DRC8: variants seen among roughly 807,000 people sequenced by gnomAD.
The protein encoded by DRC8 is dynein regulatory complex protein 8.
chr1:245,122,230 G>C, the DRC8 span: 3 of 198,744 alleles, frequency 1.5e-5, no homozygotes, highest in Admixed American at 5.5e-5. Context: ...TCTCCTCTCT[G>C]TATCTTGCTT....
the DRC8 span, chr1:245,121,919 G>A: frequency 2.6e-6 from 1 of 379,896 alleles, no homozygotes; most frequent in Non-Finnish European, 4.9e-6. Flanking sequence ...TTTTATTTTA[G>A]ATGGAGTTTC....
the DRC8 span, among the ~76,000 whole-genome samples, chr1:245,028,393 T>C: frequency 6.6e-6 from 1 of 152,234 alleles, no homozygotes; most frequent in South Asian, 2.1e-4. Flanking sequence ...ATTATTAGTG[T>C]GGAACTTTTC....
chr1:245,088,954 C>T, the DRC8 span, among the ~76,000 whole-genome samples: 2 of 152,074 alleles, frequency 1.3e-5, no homozygotes, highest in Non-Finnish European at 2.9e-5. This position sits in a 1 kb window ranked among gnomAD's most constrained non-coding sequence, Gnocchi z 4.6. Flanking sequence ...TTAAGGATAT[C>T]GGGTTAGGTG....
the DRC8 span, among the ~76,000 whole-genome samples, chr1:245,011,094 A>C: frequency 1.3e-5 from 2 of 152,182 alleles, no homozygotes; most frequent in African/African-American, 4.8e-5. Context: ...AAGGGATTCA[A>C]GTCTAAACAC....
chr1:245,118,325 T>A, the DRC8 span, among the ~76,000 whole-genome samples: 11 of 152,088 alleles, frequency 7.2e-5, no homozygotes, highest in Non-Finnish European at 1.2e-4. Context: ...CAGGGACAGG[T>A]GCGCTGGGCT....
the DRC8 span, among the ~76,000 whole-genome samples, chr1:245,056,695 T>C: frequency 6.6e-6 from 1 of 152,118 alleles, no homozygotes; most frequent in Non-Finnish European, 1.5e-5. Flanking sequence ...CCCAGCACTT[T>C]GGGAGGCTGA....
the DRC8 span, among the ~76,000 whole-genome samples, chr1:245,060,993 A>G: frequency 1.3e-5 from 2 of 152,092 alleles, no homozygotes; most frequent in South Asian, 4.1e-4. Context: ...AGAGACCTAC[A>G]GCTTGGAAAG....
chr1:244,974,495 C>T, the DRC8 span, among the ~76,000 whole-genome samples: 1 of 152,292 alleles, frequency 6.6e-6, no homozygotes, highest in East Asian at 1.9e-4. Flanking sequence ...CAATTATCAC[C>T]TCCTAAATGG....
chr1:245,087,725 C>T, the DRC8 span: 44 of 995,198 alleles, frequency 4.4e-5, no homozygotes, highest in Admixed American at 6.1e-5. Flanking sequence ...GGGGGCAGAA[C>T]GAACCACTCG....
At chr1:245,071,447 G>T in the DRC8 span, among the ~76,000 whole-genome samples, 230 of 152,338 alleles carry the variant, frequency 1.5e-3, 1 homozygote, top group South Asian at 5.4e-3. Context: ...GAATCCGGAA[G>T]AAAGGACGTC....
chr1:245,041,790 A>T, the DRC8 span, among the ~76,000 whole-genome samples: 1 of 152,246 alleles, frequency 6.6e-6, no homozygotes, highest in South Asian at 2.1e-4. Context: ...AAGTTTGGAC[A>T]CCCAGAGAGA....
the DRC8 span, among the ~76,000 whole-genome samples, chr1:244,973,356 C>T: frequency 6.6e-6 from 1 of 152,172 alleles, no homozygotes; most frequent in Non-Finnish European, 1.5e-5. Context: ...TCAGTACCCT[C>T]TAAGTTCCAA....
the DRC8 span, among the ~76,000 whole-genome samples, chr1:245,017,986 G>T: frequency 6.6e-6 from 1 of 152,128 alleles, no homozygotes; most frequent in Admixed American, 6.5e-5. Context: ...AAGTACTTTG[G>T]GAGGTCAAGG....
chr1:245,011,677 C>T, the DRC8 span, among the ~76,000 whole-genome samples: 1 of 152,110 alleles, frequency 6.6e-6, no homozygotes, highest in East Asian at 1.9e-4. Flanking sequence ...TAGGGTAGTC[C>T]TAGATTTCAG....
chr1:244,970,397 A>C, the DRC8 span: 2 of 1,538,298 alleles, frequency 1.3e-6, no homozygotes, highest in Non-Finnish European at 1.7e-6. Flanking sequence ...GGCATCTCCC[A>C]GGCGACCGGC....
chr1:245,091,918 T>C, the DRC8 span: 1 of 152,300 alleles, frequency 6.6e-6, no homozygotes, highest in Non-Finnish European at 1.5e-5. Context: ...GCTTGGCCTC[T>C]TGTGCAGGAA....
the DRC8 span, among the ~76,000 whole-genome samples, chr1:245,011,872 A>G: frequency 6.6e-6 from 1 of 152,210 alleles, no homozygotes; most frequent in African/African-American, 2.4e-5. Context: ...TTATATATAA[A>G]CCATAATATT....
chr1:245,107,606 C>T, the DRC8 span, among the ~76,000 whole-genome samples: 1 of 152,206 alleles, frequency 6.6e-6, no homozygotes, highest in African/African-American at 2.4e-5. Flanking sequence ...CACCTCCTGC[C>T]TTTGCTGTCT....
the DRC8 span, among the ~76,000 whole-genome samples, chr1:245,059,911 T>C: frequency 6.6e-6 from 1 of 152,168 alleles, no homozygotes. Context: ...ACGAGTCATG[T>C]GTAATAGTGG....
Sources: gnomAD v4.1 joint callset for allele counts (sites outside exome capture counted in the v4.1 genomes callset) on GRCh38, gnomAD v4.1.1 for gene constraint, Gnocchi (gnomAD v3.1) non-coding constraint, MANE v1.5 for transcripts, NCBI Gene and HGNC (gene_info 2026-07-23, HGNC 2026-07-21) for gene names.